Variants in VPS13B observed in about 807,000 individuals in gnomAD.
The protein encoded by VPS13B is vacuolar protein sorting 13 homolog B.
VPS13B carries 285 observed loss-of-function variants against 426.4 expected under a neutral mutation model. The ratio of observed to expected loss-of-function variants is 0.67; its 90% confidence interval spans 0.61 to 0.74. VPS13B has a LOEUF of 0.74. Ranked by LOEUF, VPS13B falls within the 30% of genes least tolerant of loss-of-function variation. The pLI is 0.00. For synonymous variants in VPS13B, 1,676 were observed against 1,676.4 expected, an observed-to-expected ratio of 1.00 and a Z score of 0.01; for missense variants, 4,537 against 4,782.6, an observed-to-expected ratio of 0.95 and a Z score of 1.51.
rs901763840 is a variant in VPS13B at position 99,815,910 on chromosome 8, C to A, written c.8098-1630C>A. Among the ~76,000 whole-genome samples the A allele has an allele frequency of 7.2e-5, 11 of 152,176 alleles. No homozygotes were observed. In the South Asian group the frequency reaches 8.3e-4, roughly 11 times the overall value. ...ACAGTGGTGCAATTACAGTTCACTG[C>A]AGCCTTGAACTCCTGGGCTCGAGTG... On this transcript the variant is annotated intron_variant, in intron 44 of 61. Transcript: ENST00000357162.
chr8:99,444,214 T>C (rs1022879182), intron 23 of VPS13B, among the ~76,000 whole-genome samples: 9 of 152,046 alleles, frequency 5.9e-5, no homozygotes, highest in Non-Finnish European at 1.3e-4. Context: ...TTCTCCTGCC[T>C]CAGCCTCCCG....
intron 15 of VPS13B, among the ~76,000 whole-genome samples, chr8:99,165,150 A>C (rs1427973331): frequency 6.6e-6 from 1 of 152,236 alleles, no homozygotes; most frequent in Non-Finnish European, 1.5e-5. Context: ...AATTTAGCTA[A>C]CATATATTAT....
At chr8:99,547,025 G>A (rs1370151766) in intron 30 of VPS13B, among the ~76,000 whole-genome samples, 1 of 152,006 alleles carries the variant, frequency 6.6e-6, no homozygotes, top group Non-Finnish European at 1.5e-5. Flanking sequence ...GACCTTATCT[G>A]TGCTCACCTT....
intron 3 of VPS13B, among the ~76,000 whole-genome samples, chr8:99,090,894 A>C (rs1041173748): frequency 6.6e-6 from 1 of 151,950 alleles, no homozygotes; most frequent in East Asian, 1.9e-4. Context: ...TGCCTATTTC[A>C]CCTTCTAAAT....
At chr8:99,153,948 G>A (rs185073146) in intron 14 of VPS13B, among the ~76,000 whole-genome samples, 3 of 151,654 alleles carry the variant, frequency 2.0e-5, no homozygotes, top group Admixed American at 6.6e-5. Flanking sequence ...ATTTCGTGGG[G>A]TATGGAATTC....
At chr8:99,246,168 T>G (rs1817205423) in intron 17 of VPS13B, among the ~76,000 whole-genome samples, 1 of 152,220 alleles carries the variant, frequency 6.6e-6, no homozygotes, top group African/African-American at 2.4e-5. Flanking sequence ...GGGCTTAACT[T>G]TAGATTTCTC....
At chr8:99,807,010 C>T (rs1813435255) in intron 43 of VPS13B, among the ~76,000 whole-genome samples, 1 of 152,200 alleles carries the variant, frequency 6.6e-6, no homozygotes, top group African/African-American at 2.4e-5. Context: ...GAATTATATG[C>T]ATCTAATTGC....
At chr8:99,660,157 T>C (rs1475501375) in intron 34 of VPS13B, among the ~76,000 whole-genome samples, 1 of 152,236 alleles carries the variant, frequency 6.6e-6, no homozygotes, top group Non-Finnish European at 1.5e-5. Flanking sequence ...CTTGACCATA[T>C]AGATCTAACG....
chr8:99,481,472 C>A, intron 24 of VPS13B, 127 bp from the exon 25 acceptor site: 1 of 1,000,978 alleles, frequency 1.0e-6, no homozygotes, highest in Non-Finnish European at 1.5e-6. Flanking sequence ...ATCAGTGATG[C>A]ATTGGTAGAG....
At chr8:99,771,142 A>AAT (rs1464344759) in intron 40 of VPS13B, among the ~76,000 whole-genome samples, 1 of 152,218 alleles carries the variant, frequency 6.6e-6, no homozygotes, top group East Asian at 1.9e-4. Flanking sequence ...TATATAACAC[A>AAT]ATAGTAACTG....
At chr8:99,631,805 T>A (rs1828859015) in intron 33 of VPS13B, among the ~76,000 whole-genome samples, 1 of 151,942 alleles carries the variant, frequency 6.6e-6, no homozygotes, top group African/African-American at 2.4e-5. Flanking sequence ...TTGGTTTTTT[T>A]ATATCCTTAG....
chr8:99,709,418 C>T (rs1832623704), intron 36 of VPS13B, among the ~76,000 whole-genome samples: 1 of 152,126 alleles, frequency 6.6e-6, no homozygotes, highest in African/African-American at 2.4e-5. Context: ...ATTTATTAGT[C>T]TTCTGAAGGA....
rs770344131 is a variant in VPS13B at position 99,819,503 on chromosome 8, A to C, written c.8713A>C (p.Asn2905His). 55 of 1,613,804 alleles carry C rather than the reference A, an allele frequency of 3.4e-5. No individual in the cohort carries two copies. The highest frequency in any genetic ancestry group is 4.5e-5 in the Non-Finnish European group (53 of 1,179,900). ...TAAGGTACACCCTGGAGGCACAGTT[A>C]ATCAGATCCTTGACGAATTCTATGG... ...ATKVHPGGTV[N>H]QILDEFYGPE... The change falls in exon 48 of 62, where the codon AAT becomes CAT. Residue 2905 changes from asparagine to histidine, a missense_variant. This residue lies in a region of VPS13B where 4,311 missense variants were observed against 4,474.3 expected (regional missense o/e 0.96). Transcript: ENST00000357162.
intron 24 of VPS13B, among the ~76,000 whole-genome samples, chr8:99,476,150 G>C (rs1324010494): frequency 2.0e-5 from 3 of 152,136 alleles, no homozygotes; most frequent in African/African-American, 7.2e-5. Context: ...TTGCAAATTG[G>C]TATGAACATC....
At chr8:99,410,146 G>A (rs1337584254) in intron 21 of VPS13B, among the ~76,000 whole-genome samples, 1 of 152,024 alleles carries the variant, frequency 6.6e-6, no homozygotes, top group Non-Finnish European at 1.5e-5. Flanking sequence ...TTAAAAATTT[G>A]TTAAAAATAA....
intron 21 of VPS13B, among the ~76,000 whole-genome samples, chr8:99,425,516 C>A (rs930824817): frequency 6.6e-6 from 1 of 152,140 alleles, no homozygotes; most frequent in African/African-American, 2.4e-5. Flanking sequence ...AATTCAACAG[C>A]CCTTCATACT....
At chr8:99,112,780 C>G (rs1325131723) in intron 6 of VPS13B, among the ~76,000 whole-genome samples, 1 of 152,002 alleles carries the variant, frequency 6.6e-6, no homozygotes, top group African/African-American at 2.4e-5. Flanking sequence ...ATGTAATGGT[C>G]TATTCTAGGA....
intron 43 of VPS13B, among the ~76,000 whole-genome samples, chr8:99,806,419 A>G (rs550806181): frequency 2.0e-5 from 3 of 152,130 alleles, no homozygotes; most frequent in Non-Finnish European, 4.4e-5. Flanking sequence ...TTTCTTAATC[A>G]CAGCAACCTG....
Position 99,859,296 on chromosome 8 carries a change from C to A in VPS13B, c.10868-8C>A, listed in dbSNP as rs770620321. ...TTTCAATCACCCCTTCCCTCTTGTG[C>A]GTTGCAGGCTGGGTAGTTGGGTCTC... is the stretch of plus-strand genomic sequence containing the variant. On this transcript the variant is annotated splice_region_variant and splice_polypyrimidine_tract_variant and intron_variant, in intron 56 of 61. Coordinates refer to ENST00000357162, the MANE Select transcript of VPS13B (RefSeq NM_152564.5). The A allele has an allele frequency of 6.2e-7, 1 of 1,613,130 alleles. No individual in the cohort carries two copies. The highest frequency in any genetic ancestry group is 1.3e-5 in the African/African-American group (1 of 74,890).
Sources: allele counts gnomAD v4.1 joint callset (sites outside exome capture counted in the v4.1 genomes callset), GRCh38; gene constraint gnomAD v4.1.1; regional missense constraint gnomAD v4.1.1; transcripts MANE v1.5; gene names NCBI Gene and HGNC (gene_info 2026-07-23, HGNC 2026-07-21).